ZNF423: variants seen among roughly 807,000 people sequenced by gnomAD.
The protein encoded by ZNF423 is zinc finger protein 423.
A neutral mutation model predicts 95.8 loss-of-function variants in ZNF423; 12 were observed. That is an observed-to-expected ratio of 0.13 (90% CI 0.08 to 0.20). The LOEUF (loss-of-function observed/expected upper bound fraction) is 0.20. ZNF423 is among the 10% of genes least tolerant of loss of function. The pLI is 1.00. For synonymous variants in ZNF423, 749 were observed against 711.9 expected, an observed-to-expected ratio of 1.05 and a Z score of -0.83; for missense variants, 1,316 against 1,737.1, an observed-to-expected ratio of 0.76 and a Z score of 4.31.
At chr16:49,518,861 C>T (rs1264115283) in intron 7 of ZNF423, among the ~76,000 whole-genome samples, 1 of 152,152 alleles carries the variant, frequency 6.6e-6, no homozygotes, top group Non-Finnish European at 1.5e-5. Flanking sequence ...TTGAGACCAG[C>T]CTGGGCAGTA....
At chr16:49,755,094 G>A (rs1013996605) in intron 2 of ZNF423, among the ~76,000 whole-genome samples, 3 of 152,190 alleles carry the variant, frequency 2.0e-5, no homozygotes, top group African/African-American at 4.8e-5. Flanking sequence ...AAAAGCCATC[G>A]AAAAGAGGTG....
intron 2 of ZNF423, among the ~76,000 whole-genome samples, chr16:49,740,197 C>T (rs1162518932): frequency 1.3e-5 from 2 of 152,148 alleles, no homozygotes; most frequent in African/African-American, 2.4e-5. Context: ...AAAATATCCT[C>T]CACCCTAACA....
chr16:49,622,922 T>A (rs1483034053), intron 5 of ZNF423, among the ~76,000 whole-genome samples: 1 of 152,070 alleles, frequency 6.6e-6, no homozygotes, highest in East Asian at 1.9e-4. Flanking sequence ...TATGGGATGA[T>A]CTCTGAAGCA....
chr16:49,737,127 C>T (rs2033305693), intron 2 of ZNF423, among the ~76,000 whole-genome samples: 1 of 152,024 alleles, frequency 6.6e-6, no homozygotes, highest in Non-Finnish European at 1.5e-5. Flanking sequence ...CAATGGATAT[C>T]CCCATTCTGC....
intron 1 of ZNF423, among the ~76,000 whole-genome samples, chr16:49,824,032 T>TAATG (rs2034977853): frequency 6.6e-6 from 1 of 152,184 alleles, no homozygotes; most frequent in East Asian, 1.9e-4. Flanking sequence ...GTGAGCCATA[T>TAATG]AATGCCACGG....
intron 3 of ZNF423, among the ~76,000 whole-genome samples, chr16:49,718,762 C>A (rs572467922): frequency 1.3e-5 from 2 of 152,166 alleles, no homozygotes; most frequent in Non-Finnish European, 2.9e-5. Context: ...AGGAGCTGGG[C>A]AGTCCTCTGG....
chr16:49,822,814 T>A (rs928846399), intron 1 of ZNF423: 37 of 1,172,272 alleles, frequency 3.2e-5, no homozygotes, highest in Non-Finnish European at 4.2e-5. Flanking sequence ...AACACTTGTA[T>A]ACCCATTTGA....
chr16:49,686,287 G>A (rs1216323549), intron 3 of ZNF423, among the ~76,000 whole-genome samples: 1 of 152,088 alleles, frequency 6.6e-6, no homozygotes, highest in Admixed American at 6.5e-5. Context: ...TTGAGTCTCG[G>A]GTAGGCAGGC....
chr16:49,545,994 C>T (rs1274075563), intron 5 of ZNF423, among the ~76,000 whole-genome samples: 3 of 152,184 alleles, frequency 2.0e-5, no homozygotes, highest in Non-Finnish European at 2.9e-5. Context: ...TATTCATAAT[C>T]GCCATTGGTA....
At chr16:49,823,781 G>A (rs965393157) in intron 1 of ZNF423, among the ~76,000 whole-genome samples, 3 of 152,042 alleles carry the variant, frequency 2.0e-5, no homozygotes, top group African/African-American at 7.2e-5. Flanking sequence ...ACACCAACAG[G>A]CTTCATCTGT....
At chr16:49,609,019 C>T (rs143922178) in intron 5 of ZNF423, among the ~76,000 whole-genome samples, 138 of 152,314 alleles carry the variant, frequency 9.1e-4, no homozygotes, top group African/African-American at 3.3e-3. Context: ...GTAGAGACCA[C>T]ATGGGGAGCC....
intron 3 of ZNF423, chr16:49,664,269 G>T: frequency 1.0e-6 from 1 of 985,594 alleles, no homozygotes; most frequent in Non-Finnish European, 1.2e-6. Context: ...GCCTGGGCCG[G>T]CGGAGAAGGA....
chr16:49,628,950 G>T (rs1972403242), intron 4 of ZNF423, among the ~76,000 whole-genome samples: 1 of 152,208 alleles, frequency 6.6e-6, no homozygotes, highest in African/African-American at 2.4e-5. Flanking sequence ...AGAAAGAGGG[G>T]TGGTATTGGA....
intron 2 of ZNF423, among the ~76,000 whole-genome samples, chr16:49,779,748 T>C (rs1289017561): frequency 6.6e-6 from 1 of 152,144 alleles, no homozygotes; most frequent in Non-Finnish European, 1.5e-5. Flanking sequence ...GCGGGATCCT[T>C]GGGGACCTAG....
intron 3 of ZNF423, among the ~76,000 whole-genome samples, chr16:49,691,781 T>C (rs531629246): frequency 6.6e-6 from 1 of 151,292 alleles, no homozygotes; most frequent in African/African-American, 2.4e-5. Context: ...AACAGAGATG[T>C]TGAGGGTATA....
chr16:49,625,921 G>A (rs1972245722), intron 5 of ZNF423, among the ~76,000 whole-genome samples: 1 of 152,124 alleles, frequency 6.6e-6, no homozygotes, highest in African/African-American at 2.4e-5. Flanking sequence ...AGAAACGGAG[G>A]GAAATTTATG....
intron 1 of ZNF423, among the ~76,000 whole-genome samples, chr16:49,798,602 T>C (rs2034534673): frequency 6.6e-6 from 1 of 151,878 alleles, no homozygotes; most frequent in Admixed American, 6.5e-5. Context: ...TAAAAATAAA[T>C]ACATACAATT....
intron 2 of ZNF423, among the ~76,000 whole-genome samples, chr16:49,772,330 G>A (rs2034050185): frequency 6.6e-6 from 1 of 152,164 alleles, no homozygotes; most frequent in Non-Finnish European, 1.5e-5. Flanking sequence ...GCACCGGTGA[G>A]AGCCGTCTGC....
chr16:49,560,176 G>A (rs1424995014), intron 5 of ZNF423, among the ~76,000 whole-genome samples: 2 of 152,152 alleles, frequency 1.3e-5, no homozygotes, highest in Non-Finnish European at 2.9e-5. Context: ...CGGCAGTGAC[G>A]ACAGCTGTCA....
Sources: gnomAD v4.1 joint callset for allele counts (sites outside exome capture counted in the v4.1 genomes callset) on GRCh38, gnomAD v4.1.1 for gene constraint, MANE v1.5 for transcripts, NCBI Gene and HGNC (gene_info 2026-07-23, HGNC 2026-07-21) for gene names.